Variants in PRKAG2 observed in about 807,000 individuals in gnomAD.
PRKAG2 encodes protein kinase AMP-activated non-catalytic subunit gamma 2.
A neutral mutation model predicts 69.6 loss-of-function variants in PRKAG2; 26 were observed. That is an observed-to-expected ratio of 0.37 (90% CI 0.27 to 0.52). The LOEUF (loss-of-function observed/expected upper bound fraction) is 0.52. Among genes scored for constraint, PRKAG2 ranks in the 20% least tolerant of loss-of-function variants. The pLI, the probability that PRKAG2 is intolerant of heterozygous loss-of-function variation, is 0.90. For synonymous variants in PRKAG2, 293 were observed against 285.0 expected (o/e 1.03, Z -0.28); for missense variants, 557 against 740.0 (o/e 0.75, Z 2.87).
intron 3 of PRKAG2, among the ~76,000 whole-genome samples, chr7:151,747,552 G>A (rs977823962): frequency 3.6e-5 from 5 of 137,120 alleles, no homozygotes; most frequent in Admixed American, 7.3e-5. Flanking sequence ...GAGAGACTCC[G>A]TCTCAAAAAA....
chr7:151,608,793 T>C (rs1350751996), intron 5 of PRKAG2, among the ~76,000 whole-genome samples: 2 of 151,526 alleles, frequency 1.3e-5, no homozygotes, highest in African/African-American at 4.8e-5. Flanking sequence ...ATTACCTTTA[T>C]ATTCCTTTAT....
At chr7:151,784,844 G>A (rs11761317) in intron 2 of PRKAG2, among the ~76,000 whole-genome samples, 105,071 of 152,184 alleles carry the variant, frequency 0.69, 40,626 homozygotes, top group South Asian at 0.87. Flanking sequence ...CCTGTCTCTG[G>A]AAAATGGCCG....
rs1819624835 is a variant in PRKAG2 at position 151,614,546 on chromosome 7, T to G, written c.754+17523A>C. Among the ~76,000 whole-genome samples the G allele has an allele frequency of 6.6e-6, 1 of 152,122 alleles. No individual in the cohort carries two copies. Among genetic ancestry groups the G allele is most frequent in the South Asian group, 2.1e-4 (1 of 4,828 alleles). ...CCATCGTGACTCTCCGTCCCATCCC[T>G]GCGTGCTCTCCTTCACCTCCGCCCC... On this transcript the variant is annotated intron_variant, in intron 5 of 15. Coordinates refer to ENST00000287878, the MANE Select transcript of PRKAG2 (RefSeq NM_016203.4). The surrounding 1 kb of genome is among the most constrained non-coding windows in gnomAD (Gnocchi z 4.4).
chr7:151,789,975 A>C (rs1347981010), intron 1 of PRKAG2, among the ~76,000 whole-genome samples: 3 of 152,058 alleles, frequency 2.0e-5, no homozygotes, highest in Non-Finnish European at 4.4e-5. Context: ...AGGGTTTGTC[A>C]TTTTCCAAAC....
At chr7:151,763,823 C>T (rs1365914199) in intron 3 of PRKAG2, among the ~76,000 whole-genome samples, 1 of 152,250 alleles carries the variant, frequency 6.6e-6, no homozygotes, top group Non-Finnish European at 1.5e-5. Flanking sequence ...ATAGCTGCTG[C>T]CTGTGTCACC....
intron 1 of PRKAG2, among the ~76,000 whole-genome samples, chr7:151,802,860 G>A (rs147427892): frequency 1.4e-4 from 21 of 151,840 alleles, no homozygotes; most frequent in African/African-American, 3.9e-4. Flanking sequence ...TAATCCCCCC[G>A]TGCCAGCATT....
At chr7:151,725,142 G>A (rs138542805) in intron 3 of PRKAG2, among the ~76,000 whole-genome samples, 2 of 152,102 alleles carry the variant, frequency 1.3e-5, no homozygotes, top group Admixed American at 6.5e-5. Flanking sequence ...AGCAACCCAC[G>A]TGTCCATCGA....
chr7:151,726,653 C>A (rs374628685), intron 3 of PRKAG2, among the ~76,000 whole-genome samples: 1 of 152,024 alleles, frequency 6.6e-6, no homozygotes, highest in African/African-American at 2.4e-5. Context: ...CAACGCCGCA[C>A]GCAGGCACGG....
At position 151,814,305 on chromosome 7, in the gene PRKAG2, G is replaced by T; in HGVS notation, c.115-27764C>A. ...TCTTGGAGAACAAAGCCACAATTCAGCATCAGTCTTACACACCAAGGAGAC... is the reference window on the plus strand; with the variant it reads ...TCTTGGAGAACAAAGCCACAATTCATCATCAGTCTTACACACCAAGGAGAC... On this transcript the variant is annotated intron_variant, in intron 1 of 15. Coordinates refer to ENST00000287878, the MANE Select transcript of PRKAG2 (RefSeq NM_016203.4). The surrounding 1 kb of genome is among the most constrained non-coding windows in gnomAD (Gnocchi z 4.8). 2 of 722,276 alleles carry T rather than the reference G, an allele frequency of 2.8e-6. No homozygotes were observed. Among genetic ancestry groups the T allele is most frequent in the Non-Finnish European group, 3.6e-6 (2 of 551,990 alleles). 44.7% of individuals were successfully genotyped at this position (722,276 alleles called of 1,614,324 possible). A position where few individuals can be genotyped will look rare whatever the true frequency, so the allele number is the denominator to read the frequency against.
intron 4 of PRKAG2, among the ~76,000 whole-genome samples, chr7:151,634,409 G>C (rs1320086501): frequency 2.6e-5 from 4 of 152,130 alleles, no homozygotes; most frequent in Admixed American, 2.6e-4. Context: ...GCAAAAGTTA[G>C]ACTTGACACC....
chr7:151,862,082 C>T (rs1291612021), intron 1 of PRKAG2, among the ~76,000 whole-genome samples: 3 of 151,946 alleles, frequency 2.0e-5, no homozygotes, highest in South Asian at 2.1e-4. Context: ...AGGCCCGAGG[C>T]ACTGGCATCT....
chr7:151,677,843 C>G (rs558927706), intron 3 of PRKAG2, among the ~76,000 whole-genome samples: 1 of 152,356 alleles, frequency 6.6e-6, no homozygotes, highest in East Asian at 1.9e-4. Flanking sequence ...CTTCTTCCAC[C>G]ACATGGCTGA....
chr7:151,582,234 C>T (rs1320770752), intron 6 of PRKAG2, among the ~76,000 whole-genome samples: 1 of 152,194 alleles, frequency 6.6e-6, no homozygotes, highest in Non-Finnish European at 1.5e-5. Context: ...ACTGCAGTCT[C>T]AACCTCCTGG....
chr7:151,733,958 G>C (rs937647426), intron 3 of PRKAG2, among the ~76,000 whole-genome samples: 4 of 152,248 alleles, frequency 2.6e-5, no homozygotes, highest in South Asian at 2.1e-4. Flanking sequence ...ACCTCCCAAA[G>C]TGCTGGGAAT....
intron 8 of PRKAG2, among the ~76,000 whole-genome samples, chr7:151,573,097 A>G (rs1270976353): frequency 1.3e-5 from 2 of 151,862 alleles, no homozygotes; most frequent in South Asian, 2.1e-4. Context: ...TGGGCAACAG[A>G]GTGAGACTCT....
chr7:151,856,030 GACACAGGCCAC>G (rs2079767368), intron 1 of PRKAG2, among the ~76,000 whole-genome samples: 1 of 152,246 alleles, frequency 6.6e-6, no homozygotes, highest in Admixed American at 6.5e-5. Context: ...ACACTCGCCA[GACACAGGCCAC>G]ACATTCTGCC....
intron 4 of PRKAG2, among the ~76,000 whole-genome samples, chr7:151,669,750 C>A (rs10278577): frequency 1.3e-5 from 2 of 150,840 alleles, no homozygotes; most frequent in African/African-American, 4.9e-5. Context: ...GTGCACACAC[C>A]TGCATGCACA....
Position 151,780,908 on chromosome 7 carries a change from C to G in PRKAG2, c.466+244G>C, listed in dbSNP as rs1263932307. 6.6e-6 allele frequency among the ~76,000 whole-genome samples: 1 copy of G among 152,178 alleles called. No individual in the cohort carries two copies. The highest frequency in any genetic ancestry group is 1.5e-5 in the Non-Finnish European group (1 of 68,044). ...GGATGTTTACAGTTAACCCAAGGAC[C>G]TTGCTGGACCAGAAGGATTACGCTT... On this transcript the variant is annotated intron_variant, in intron 3 of 15. Coordinates refer to ENST00000287878, the MANE Select transcript of PRKAG2 (RefSeq NM_016203.4). This position sits in a 1 kb window ranked among gnomAD's most constrained non-coding sequence, Gnocchi z 4.2.
At chr7:151,597,828 C>CT (rs1037680094) in intron 5 of PRKAG2, among the ~76,000 whole-genome samples, 1 of 149,774 alleles carries the variant, frequency 6.7e-6, no homozygotes, top group South Asian at 2.2e-4. Context: ...GAGCCCCCCC[C>CT]CCCGCTCTTT....
Sources: gnomAD v4.1 joint callset for allele counts (sites outside exome capture counted in the v4.1 genomes callset) on GRCh38, gnomAD v4.1.1 for gene constraint, Gnocchi (gnomAD v3.1) non-coding constraint, MANE v1.5 for transcripts, NCBI Gene and HGNC (gene_info 2026-07-23, HGNC 2026-07-21) for gene names.